CDH15: variants seen among roughly 807,000 people sequenced by gnomAD.
The protein encoded by CDH15 is cadherin 15.
CDH15 carries 73 observed loss-of-function variants against 69.4 expected under a neutral mutation model. The ratio of observed to expected loss-of-function variants is 1.05; its 90% confidence interval spans 0.87 to 1.28. The LOEUF (loss-of-function observed/expected upper bound fraction) is 1.28, where lower values mean the gene tolerates loss of function less well. Ranked by LOEUF, CDH15 falls within the 50% of genes most tolerant of loss-of-function variation. The pLI is 0.00. For synonymous variants in CDH15, 624 were observed against 507.7 expected (o/e 1.23, Z -3.08); for missense variants, 1,343 against 1,133.6 (o/e 1.18, Z -2.65).
Position 89,192,218 on chromosome 16 carries a change from C to A in CDH15, c.1629C>A (p.Arg543=). 1 of 1,529,226 alleles carries A rather than the reference C, an allele frequency of 6.5e-7. No individual in the cohort carries two copies. The highest frequency in any genetic ancestry group is 1.2e-5 in the South Asian group (1 of 83,638). 94.7% of individuals were successfully genotyped at this position (1,529,226 alleles called of 1,614,324 possible). A position where few individuals can be genotyped will look rare whatever the true frequency, so the allele number is the denominator to read the frequency against. The change falls in exon 11 of 14, where the codon CGC becomes CGA. Residue 543 remains arginine (R), a synonymous_variant. Coordinates refer to ENST00000289746, the MANE Select transcript of CDH15 (RefSeq NM_004933.3). ...CGCCCTCCGCAGTGAGCCACGCGCG[C>A]CTGCGGCCGCGACACCAGGTCCCCG... The part of the protein sequence containing the change: ...SLSQVNVSHA[R]LRPRHQVPEG...
intron 1 of CDH15, among the ~76,000 whole-genome samples, chr16:89,173,873 C>A (rs1160406390): frequency 2.0e-5 from 3 of 152,236 alleles, no homozygotes; most frequent in African/African-American, 7.2e-5. Context: ...GGGACCCCAC[C>A]CCAGCTGGGA....
chr16:89,173,963 G>A (rs775279781), intron 1 of CDH15, among the ~76,000 whole-genome samples: 1 of 152,212 alleles, frequency 6.6e-6, no homozygotes, highest in Non-Finnish European at 1.5e-5. Flanking sequence ...CTGCATCTGG[G>A]TTTTGGGAGC....
intron 7 of CDH15, among the ~76,000 whole-genome samples, chr16:89,188,972 TAGATGCCCACACACAGACACCCACACAC>T (rs1915568357): frequency 2.4e-5 from 2 of 83,836 alleles, no homozygotes; most frequent in Non-Finnish European, 4.5e-5. Context: ...CTGGCACACA[TAGATGCCCACACACAGACACCCACACAC>T]AGATGCCCAC....
rs539932380 is a variant in CDH15, at chr16:89,191,894, G to A, written c.1615G>A (p.Val539Met). ...GRNWSLSQVN[V>M]SHARLRPRHQ... ...GAACTGGAGCCTCAGCCAGGTCAAC[G>A]GTGCGCTCCCCTCACCGCCGCGCTC... The change falls in exon 10 of 14, where the codon GTG (valine) becomes ATG (methionine). Residue 539 changes from valine (V) to methionine (M), a missense_variant and splice_region_variant. By Grantham distance (21) the Val-to-Met change is conservative. Transcript: ENST00000289746. 3 of 1,564,254 alleles carry A rather than the reference G, an allele frequency of 1.9e-6. No individual in the cohort carries two copies. Among genetic ancestry groups the A allele is most frequent in the African/African-American group, 1.3e-5 (1 of 74,370 alleles).
At chr16:89,180,038 C>T (rs1915340918) in intron 2 of CDH15, among the ~76,000 whole-genome samples, 162 bp from the exon 3 acceptor site, 1 of 152,224 alleles carries the variant, frequency 6.6e-6, no homozygotes, top group Non-Finnish European at 1.5e-5. Context: ...TGAGCTGTCC[C>T]CAGCCCAGCA....
At chr16:89,174,070 C>A (rs963575899) in intron 1 of CDH15, among the ~76,000 whole-genome samples, 1 of 152,224 alleles carries the variant, frequency 6.6e-6, no homozygotes, top group African/African-American at 2.4e-5. Flanking sequence ...GGAAGTGGCT[C>A]CCAGGCCACT....
chr16:89,187,307 A>T, intron 5 of CDH15, 122 bp from the exon 6 acceptor site: 1 of 1,194,180 alleles, frequency 8.4e-7, no homozygotes, highest in Non-Finnish European at 1.2e-6. Context: ...TGGGGTCTTC[A>T]ACACCCACTG....
In CDH15 at chr16:89,185,217, G is replaced by T. The variant is rs770205344; in HGVS notation, c.547G>T (p.Glu183Ter). 6.2e-7 allele frequency: 1 copy of T among 1,605,806 alleles called. No homozygotes were observed. The highest frequency in any genetic ancestry group is 2.2e-5 in the East Asian group (1 of 44,672). ...RAEATDADDP[E>*]TDNAALRFSI... Reference sequence around the variant, plus strand: ...AGAGGCCACAGATGCCGACGACCCCGAGACGGACAACGCAGCGCTGCGGTT... The same window carrying T: ...AGAGGCCACAGATGCCGACGACCCCTAGACGGACAACGCAGCGCTGCGGTT... Residue 183 changes from glutamate to a stop codon, truncating the protein, a stop_gained, in exon 5 of 14, where the codon GAG becomes TAG. Transcript: ENST00000289746. LOFTEE classifies it high-confidence loss of function.
In CDH15 at chr16:89,191,462, C is replaced by G. The variant is rs748710226; in HGVS notation, c.1365C>G (p.Ala455=). The G allele has an allele frequency of 1.5e-5, 24 of 1,612,504 alleles. No homozygotes were observed. In the Admixed American group the frequency reaches 3.3e-4, roughly 22 times the overall value. The change falls in exon 9 of 14, where the codon GCC becomes GCG. Residue 455 remains alanine, a synonymous_variant. Coordinates refer to ENST00000289746, the MANE Select transcript of CDH15 (RefSeq NM_004933.3). ...GCTGGTACAGAGCCATCGTCCTGGC[C>G]CAGGATGACGGTGAGCGGCGCCGCC... ...KGGWYRAIVL[A]QDDASQPRTA... is the part of the protein sequence containing the mutation.
At chr16:89,193,650 A>G in intron 12 of CDH15, 44 bp downstream of exon 12, 1 of 1,568,180 alleles carries the variant, frequency 6.4e-7, no homozygotes, top group Non-Finnish European at 8.6e-7. Context: ...CAAGGAACCC[A>G]GGTCGCGGGC....
In CDH15 at chr16:89,191,453, C is replaced by G. The variant is rs376123218; in HGVS notation, c.1356C>G (p.Ile452Met). The change falls in exon 9 of 14, where the codon ATC (isoleucine) becomes ATG (methionine). Residue 452 changes from isoleucine to methionine, a missense_variant. By Grantham distance (10) the Ile-to-Met change is conservative. Transcript: ENST00000289746. ...PFLKGGWYRA[I>M]VLAQDDASQP... is the part of the protein sequence containing the mutation. ...TCAAGGGCGGCTGGTACAGAGCCAT[C>G]GTCCTGGCCCAGGATGACGGTGAGC... 6.2e-6 allele frequency: 10 copies of G among 1,612,460 alleles called. No individual in the cohort carries two copies. The highest frequency in any genetic ancestry group is 4.2e-6 in the Non-Finnish European group (5 of 1,179,966).
At position 89,191,941 on chromosome 16, in the gene CDH15, C is replaced by T. The variant is rs548130724; in HGVS notation, c.1615+47C>T. 2.0e-6 allele frequency: 3 copies of T among 1,498,274 alleles called. No homozygotes were observed. The South Asian group carries it at 3.7e-5, about 18-fold the overall frequency. 92.8% of individuals were successfully genotyped at this position (1,498,274 alleles called of 1,614,324 possible). A position where few individuals can be genotyped will look rare whatever the true frequency, so the allele number is the denominator to read the frequency against. The stretch of plus-strand genomic sequence containing the variant: ...GCTCCCCCCATCCCCACGCTCCCCC[C>T]ACCCCCACATTCCGGCCTCGGACGG... On this transcript the variant is annotated intron_variant, in intron 10 of 13. Transcript: ENST00000289746.
Position 89,195,310 on chromosome 16 carries a change from G to T in CDH15, c.*155G>T, listed in dbSNP as rs867721526. The T allele has an allele frequency of 1.7e-4, 132 of 770,184 alleles. No individual in the cohort carries two copies. The Middle Eastern group carries it at 3.8e-3, about 22-fold the overall frequency. The allele number at this position is 770,184 out of a possible 1,614,324, so 47.7% of individuals were successfully genotyped here. Reference sequence around the variant, plus strand: ...AAGTCTGGGGGCAGAACCTGAGTGTGGATGGGGCGGCCAGGAAGAGGCCCC... The same window carrying T: ...AAGTCTGGGGGCAGAACCTGAGTGTTGATGGGGCGGCCAGGAAGAGGCCCC... On this transcript the variant is annotated 3_prime_UTR_variant, in exon 14 of 14. Transcript: ENST00000289746.
rs1034922343 is a variant in CDH15 at position 89,195,210 on chromosome 16, T to C, written c.*55T>C. 1.3e-6 allele frequency: 2 copies of C among 1,494,342 alleles called. No individual in the cohort carries two copies. The allele number at this position is 1,494,342 out of a possible 1,614,324, so 92.6% of individuals were successfully genotyped here. On this transcript the variant is annotated 3_prime_UTR_variant, in exon 14 of 14. Transcript: ENST00000289746. ...CCGGCCTCGTGGCAGTGATGGCCCCTGCAGAGGCAGCCTGAGGTCACCGGG... is the reference window on the plus strand; with the variant it reads ...CCGGCCTCGTGGCAGTGATGGCCCCCGCAGAGGCAGCCTGAGGTCACCGGG...
intron 5 of CDH15, 55 bp from the exon 6 acceptor site, chr16:89,187,374 C>A: frequency 1.2e-6 from 2 of 1,605,488 alleles, no homozygotes; most frequent in East Asian, 2.2e-5. Flanking sequence ...CCTGACCAGT[C>A]CCCATGTGCC....
chr16:89,183,763 T>G, intron 4 of CDH15, 71 bp downstream of exon 4: 1 of 1,476,872 alleles, frequency 6.8e-7, no homozygotes, highest in Admixed American at 2.1e-5. Context: ...AGGACTTCCC[T>G]TAAGCAAGAA....
At chr16:89,178,265 T>C (rs912436635) in intron 1 of CDH15, among the ~76,000 whole-genome samples, 1 of 152,188 alleles carries the variant, frequency 6.6e-6, no homozygotes, top group Non-Finnish European at 1.5e-5. Flanking sequence ...GTCCCGGCCC[T>C]GGAGTAGGGT....
chr16:89,193,960 G>GCA, intron 13 of CDH15, 47 bp downstream of exon 13: 1 of 1,595,276 alleles, frequency 6.3e-7, no homozygotes, highest in Non-Finnish European at 8.6e-7. Flanking sequence ...ACGCACAGGT[G>GCA]CACACACACA....
chr16:89,191,521 C>T (rs771699545), intron 9 of CDH15, 49 bp downstream of exon 9: 15 of 1,604,140 alleles, frequency 9.4e-6, no homozygotes, highest in Middle Eastern at 1.8e-4. Context: ...CTTGTCCCGG[C>T]TGAGCACCCC....
Sources: gnomAD v4.1 joint callset for allele counts (sites outside exome capture counted in the v4.1 genomes callset) on GRCh38, gnomAD v4.1.1 for gene constraint, MANE v1.5 for transcripts, NCBI Gene and HGNC (gene_info 2026-07-23, HGNC 2026-07-21) for gene names.